CFTR: variants seen among roughly 807,000 people sequenced by gnomAD.
CFTR encodes cystic fibrosis transmembrane conductance regulator.
A neutral mutation model predicts 171.6 loss-of-function variants in CFTR; 181 were observed. That is an observed-to-expected ratio of 1.05 (90% CI 0.93 to 1.19). The LOEUF is 1.19. Among genes scored for constraint, CFTR ranks in the 50% most tolerant of loss-of-function variants. The probability of loss-of-function intolerance (pLI) is 0.00; values close to 1 mark genes in which losing one functional copy is unlikely to be tolerated. For synonymous variants in CFTR, 583 were observed against 608.0 expected (o/e 0.96, Z 0.60); for missense variants, 1,968 against 1,734.7 (o/e 1.13, Z -2.39).
chr7:117,493,250 A>T (rs1798189776), intron 1 of CFTR, among the ~76,000 whole-genome samples: 1 of 152,106 alleles, frequency 6.6e-6, no homozygotes, highest in African/African-American at 2.4e-5. Context: ...TAAATTGCTT[A>T]TTAGGATTGG....
At chr7:117,600,938 C>T (rs1779008932) in intron 15 of CFTR, among the ~76,000 whole-genome samples, 1 of 151,920 alleles carries the variant, frequency 6.6e-6, no homozygotes, top group South Asian at 2.1e-4. Flanking sequence ...TTGTTCTACT[C>T]AATAGAAGCA....
intron 12 of CFTR, 142 bp from the exon 13 acceptor site, chr7:117,590,211 C>A: frequency 1.1e-6 from 1 of 940,548 alleles, no homozygotes; most frequent in Non-Finnish European, 1.5e-6. Context: ...TTCTGCACCA[C>A]TTTTGAGAAT....
chr7:117,518,584 A>G (rs977198199), intron 3 of CFTR, among the ~76,000 whole-genome samples: 1 of 148,110 alleles, frequency 6.8e-6, no homozygotes, highest in African/African-American at 2.5e-5. Flanking sequence ...ATATATATAT[A>G]TATATGTGTG....
At chr7:117,502,838 A>AAAATATGAC (rs1341364290) in intron 1 of CFTR, among the ~76,000 whole-genome samples, 2 of 152,252 alleles carry the variant, frequency 1.3e-5, no homozygotes, top group African/African-American at 2.4e-5. Context: ...ATTAATGGAA[A>AAAATATGAC]AAATATGACA....
At position 117,509,118 on chromosome 7, in the gene CFTR, C is replaced by T. The variant is rs780975618; in HGVS notation, c.249C>T (p.Phe83=). 1.3e-6 allele frequency: 2 copies of T among 1,599,810 alleles called. No individual in the cohort carries two copies. Among genetic ancestry groups the T allele is most frequent in the Admixed American group, 1.7e-5 (1 of 59,992 alleles). Residue 83 remains phenylalanine, a synonymous_variant, in exon 3 of 27, where the codon TTC becomes TTT. Coordinates refer to ENST00000003084, the MANE Select transcript of CFTR (RefSeq NM_000492.4). ...GATGTTTTTTCTGGAGATTTATGTT[C>T]TATGGAATCTTTTTATATTTAGGGG... ...LRRCFFWRFM[F]YGIFLYLGEV...
chr7:117,538,580 C>G (rs1020356501), intron 7 of CFTR, among the ~76,000 whole-genome samples: 4 of 152,028 alleles, frequency 2.6e-5, no homozygotes, highest in Non-Finnish European at 5.9e-5. Context: ...CAGCCTAGTC[C>G]ATGTTATTCC....
chr7:117,612,043 A>ATG (rs1157143620), intron 20 of CFTR, among the ~76,000 whole-genome samples: 10 of 72,244 alleles, frequency 1.4e-4, no homozygotes, highest in African/African-American at 5.1e-4. Flanking sequence ...ATATATATAT[A>ATG]TATATATATA....
chr7:117,555,952 C>T (rs1232122123), intron 10 of CFTR, among the ~76,000 whole-genome samples: 3 of 151,920 alleles, frequency 2.0e-5, no homozygotes, highest in African/African-American at 7.3e-5. Flanking sequence ...GGGTTGGCAC[C>T]CCTAACCTTC....
At position 117,653,877 on chromosome 7, in the gene CFTR, T is replaced by C. The variant is rs562765918; in HGVS notation, c.3963+946T>C. On this transcript the variant is annotated intron_variant, in intron 24 of 26. Coordinates refer to ENST00000003084, the MANE Select transcript of CFTR (RefSeq NM_000492.4). ...GGCAGATTGCTCTCCAACTATGAAA[T>C]TGTGAAATCAAACCTATTATGTACT... Among the ~76,000 whole-genome samples the C allele has an allele frequency of 3.3e-5, 5 of 152,228 alleles. No individual in the cohort carries two copies. The East Asian group carries it at 5.8e-4, about 18-fold the overall frequency.
intron 7 of CFTR, among the ~76,000 whole-genome samples, chr7:117,539,426 T>C (rs1799010521): frequency 6.6e-6 from 1 of 151,942 alleles, no homozygotes; most frequent in South Asian, 2.1e-4. Flanking sequence ...CTTGGGTTTT[T>C]TTTTTTGTTT....
At chr7:117,521,286 C>T (rs954332516) in intron 3 of CFTR, among the ~76,000 whole-genome samples, 1 of 151,868 alleles carries the variant, frequency 6.6e-6, no homozygotes, top group Non-Finnish European at 1.5e-5. Context: ...ATTTGTACCT[C>T]GATCATTTTT....
At position 117,559,477 on chromosome 7, in the gene CFTR, TGGTGATTATG is replaced by T. The variant is rs397508204; in HGVS notation, c.1409_1418del (p.Val470GlufsTer54). 6.2e-7 allele frequency: 1 copy of T among 1,604,222 alleles called. No homozygotes were observed. The highest frequency in any genetic ancestry group is 2.2e-5 in the East Asian group (1 of 44,750). On this transcript the variant is annotated frameshift_variant, in exon 11 of 27. Transcript: ENST00000003084. LOFTEE classifies it high-confidence loss of function. ...TTTTATTTCCAGACTTCACTTCTAA[TGGTGATTATG>T]GGAGAACTGGAGCCTTCAGAGGGTA...
At chr7:117,551,328 G>A (rs1241852450) in intron 10 of CFTR, among the ~76,000 whole-genome samples, 7 of 152,202 alleles carry the variant, frequency 4.6e-5, no homozygotes, top group Admixed American at 4.6e-4. Flanking sequence ...TTATGTACAA[G>A]TTACAAAATG....
rs1196473456 is a variant in CFTR at position 117,592,437 on chromosome 7, C to G, written c.2270C>G (p.Thr757Ser). Residue 757 changes from threonine (T) to serine (S), a missense_variant, in exon 14 of 27, where the codon ACT becomes AGT. Physicochemically the swap from Thr to Ser is moderately conservative, Grantham distance 58 (BLOSUM62 1). Transcript: ENST00000003084. ...CTGCCTCGCATCAGCGTGATCAGCA[C>G]TGGCCCCACGCTTCAGGCACGAAGG... ...AILPRISVIS[T>S]GPTLQARRRQ... The G allele has an allele frequency of 1.4e-5, 23 of 1,604,366 alleles. No homozygotes were observed. Among genetic ancestry groups the G allele is most frequent in the Non-Finnish European group, 2.0e-5 (23 of 1,175,268 alleles).
At chr7:117,496,228 G>T (rs994861733) in intron 1 of CFTR, among the ~76,000 whole-genome samples, 2 of 151,926 alleles carry the variant, frequency 1.3e-5, no homozygotes, top group Non-Finnish European at 2.9e-5. Context: ...TTTAGAGACA[G>T]GGCCTTGCTC....
At chr7:117,534,130 A>G in intron 4 of CFTR, 146 bp from the exon 5 acceptor site, 1 of 588,184 alleles carries the variant, frequency 1.7e-6, no homozygotes, top group Non-Finnish European at 3.0e-6. Context: ...CTGAGAAGAT[A>G]GTAAGCTAGA....
intron 21 of CFTR, among the ~76,000 whole-genome samples, chr7:117,619,176 G>C (rs1792536231): frequency 6.6e-6 from 1 of 152,148 alleles, no homozygotes; most frequent in Non-Finnish European, 1.5e-5. Context: ...AAAGTTATGT[G>C]CTGGTTTATT....
chr7:117,624,811 T>C (rs1489346344), intron 21 of CFTR, among the ~76,000 whole-genome samples: 1 of 152,178 alleles, frequency 6.6e-6, no homozygotes, highest in Non-Finnish European at 1.5e-5. Flanking sequence ...TGGCGCTTAA[T>C]GGCCAATATT....
intron 10 of CFTR, 67 bp downstream of exon 10, chr7:117,548,890 T>C: frequency 6.4e-7 from 1 of 1,552,694 alleles, no homozygotes; most frequent in Non-Finnish European, 8.7e-7. Flanking sequence ...TTTTCTAGTT[T>C]GTAGTGCTGG....
Sources: gnomAD v4.1 joint callset for allele counts (sites outside exome capture counted in the v4.1 genomes callset) on GRCh38, gnomAD v4.1.1 for gene constraint, MANE v1.5 for transcripts, NCBI Gene and HGNC (gene_info 2026-07-23, HGNC 2026-07-21) for gene names.